Variants in KIAA0586 observed in about 807,000 individuals in gnomAD.
The protein encoded by KIAA0586 is KIAA0586, also known as protein TALPID3.
A neutral mutation model predicts 169.8 loss-of-function variants in KIAA0586; 144 were observed. That is an observed-to-expected ratio of 0.85 (90% CI 0.74 to 0.97). KIAA0586 has a LOEUF of 0.97. Among genes scored for constraint, KIAA0586 ranks in the 50% least tolerant of loss-of-function variants. The pLI is 0.00. For synonymous variants in KIAA0586, 625 were observed against 612.4 expected (o/e 1.02, Z -0.30); for missense variants, 1,854 against 1,823.0 (o/e 1.02, Z -0.31).
intron 24 of KIAA0586, among the ~76,000 whole-genome samples, 173 bp from the exon 25 acceptor site, chr14:58,489,991 A>G (rs2042731051): frequency 6.6e-6 from 1 of 152,194 alleles, no homozygotes; most frequent in Non-Finnish European, 1.5e-5. Flanking sequence ...TATAAATTGT[A>G]CTTCAAAAAA....
rs766981800 is a variant in KIAA0586, at chr14:58,487,976, A to G, written c.3394A>G (p.Thr1132Ala). ...PPPAAAVFTP[T>A]LSDISIDKLK... ...TCCAGCGGCGGCAGTTTTTACCCCA[A>G]CTTTGTCAGATATTTCCATTGATAA... Residue 1132 changes from threonine to alanine, a missense_variant, in exon 23 of 31, where the codon ACT (threonine) becomes GCT (alanine). Coordinates refer to ENST00000652326, the MANE Select transcript of KIAA0586 (RefSeq NM_001329943.3). 7 of 1,613,360 alleles carry G rather than the reference A, an allele frequency of 4.3e-6. No individual in the cohort carries two copies. The East Asian group carries it at 1.1e-4, about 26-fold the overall frequency.
chr14:58,464,582 G>A (rs1743717), intron 14 of KIAA0586, among the ~76,000 whole-genome samples: 150,103 of 152,296 alleles, frequency 0.99, 74,007 homozygotes, highest in East Asian at 1. Flanking sequence ...GAGACATAAA[G>A]TCAAATTTTT....
chr14:58,560,177 G>T, the KIAA0586 span, among the ~76,000 whole-genome samples: 1 of 151,086 alleles, frequency 6.6e-6, no homozygotes, highest in South Asian at 2.1e-4. Flanking sequence ...AAGATGCACA[G>T]GCCCCACTCC....
chr14:58,468,525 T>C (rs934510733), intron 16 of KIAA0586, among the ~76,000 whole-genome samples: 7 of 152,230 alleles, frequency 4.6e-5, no homozygotes, highest in African/African-American at 1.2e-4. Context: ...ATGTGACTTA[T>C]ATAATTAATA....
intron 4 of KIAA0586, chr14:58,441,031 G>A (rs1009564412): frequency 2.7e-5 from 5 of 185,948 alleles, no homozygotes; most frequent in Non-Finnish European, 5.8e-5. Context: ...GTGAAGTGAT[G>A]GGTATGCTAA....
chr14:58,529,498 C>G (rs1309786998), intron 29 of KIAA0586, among the ~76,000 whole-genome samples: 1 of 152,148 alleles, frequency 6.6e-6, no homozygotes, highest in East Asian at 1.9e-4. Context: ...CATGAAAAAG[C>G]TTATCTACCT....
At chr14:58,533,514 C>T (rs555897903) in intron 29 of KIAA0586, among the ~76,000 whole-genome samples, 1 of 152,268 alleles carries the variant, frequency 6.6e-6, no homozygotes, top group Admixed American at 6.5e-5. Context: ...TGTGAATTCT[C>T]TGGGGCAGGG....
At chr14:58,466,767 A>C (rs2040806340) in intron 15 of KIAA0586, among the ~76,000 whole-genome samples, 1 of 152,202 alleles carries the variant, frequency 6.6e-6, no homozygotes, top group Non-Finnish European at 1.5e-5. Context: ...GGACATTCAT[A>C]ATAATTCAAT....
Position 58,508,727 on chromosome 14 carries a change from C to G in KIAA0586, c.4323+18C>G. 1 of 1,555,622 alleles carries G rather than the reference C, an allele frequency of 6.4e-7. No individual in the cohort carries two copies. The highest frequency in any genetic ancestry group is 8.7e-7 in the Non-Finnish European group (1 of 1,144,388). On this transcript the variant is annotated intron_variant, in intron 28 of 30. Transcript: ENST00000652326. The stretch of plus-strand genomic sequence containing the variant: ...TTTCCCAGGTACCAAATTAATAGCA[C>G]TTGTATTTTACTTAAAATGAGAATT...
chr14:58,534,321 G>A (rs930661207), intron 29 of KIAA0586, among the ~76,000 whole-genome samples: 1 of 152,092 alleles, frequency 6.6e-6, no homozygotes, highest in East Asian at 1.9e-4. Flanking sequence ...TATAATATAG[G>A]TGTATTAGAA....
Position 58,484,924 on chromosome 14 carries a change from A to ATTTTTTT in KIAA0586, c.3145-2062_3145-2056dup, listed in dbSNP as rs58851367. Among the ~76,000 whole-genome samples, 4 of 13,052 alleles carry ATTTTTTT rather than the reference A, an allele frequency of 3.1e-4. 1 individual carries two copies. Among genetic ancestry groups the ATTTTTTT allele is most frequent in the South Asian group, 3.4e-3 (1 of 292 alleles). 8.6% of individuals were successfully genotyped at this position (13,052 alleles called of 152,430 possible). ...TATATATATATATATATATATATAT[A>ATTTTTTT]TTTTTTTTTTTTTTTTTTTTTTTTT... On this transcript the variant is annotated intron_variant, in intron 21 of 30. Transcript: ENST00000652326.
chr14:58,520,606 C>G (rs2045140683), intron 29 of KIAA0586, among the ~76,000 whole-genome samples: 1 of 152,126 alleles, frequency 6.6e-6, no homozygotes. Context: ...ACTGCAGCCT[C>G]TGACCTCCCG....
intron 4 of KIAA0586, among the ~76,000 whole-genome samples, chr14:58,436,583 G>A (rs1167458346): frequency 6.6e-6 from 1 of 152,056 alleles, no homozygotes; most frequent in Non-Finnish European, 1.5e-5. Flanking sequence ...AGTGGTAGAT[G>A]TAAATTGGAA....
At chr14:58,531,162 CAA>C (rs749963379) in intron 29 of KIAA0586, among the ~76,000 whole-genome samples, 17 of 104,076 alleles carry the variant, frequency 1.6e-4, no homozygotes, top group African/African-American at 1.1e-4. Flanking sequence ...CTAAAATGTA[CAA>C]AAAAAAAAAA....
At chr14:58,491,556 C>T (rs1448317252) in intron 25 of KIAA0586, among the ~76,000 whole-genome samples, 1 of 152,174 alleles carries the variant, frequency 6.6e-6, no homozygotes, top group East Asian at 1.9e-4. Flanking sequence ...CACACTGTTC[C>T]TCATTGTTGG....
At chr14:58,544,974 A>C (rs1214498129) in intron 30 of KIAA0586, among the ~76,000 whole-genome samples, 1 of 152,208 alleles carries the variant, frequency 6.6e-6, no homozygotes, top group Non-Finnish European at 1.5e-5. Flanking sequence ...GTCCCAACTC[A>C]ATGGCTACCT....
intron 14 of KIAA0586, 64 bp from the exon 15 acceptor site, chr14:58,465,771 A>G: frequency 2.0e-6 from 2 of 998,354 alleles, no homozygotes; most frequent in Non-Finnish European, 2.9e-6. Flanking sequence ...TTGTATTTCT[A>G]GATGTCTGGA....
At chr14:58,528,094 A>G (rs141791486) in intron 29 of KIAA0586, among the ~76,000 whole-genome samples, 370 of 152,350 alleles carry the variant, frequency 2.4e-3, no homozygotes, top group African/African-American at 8.5e-3. Flanking sequence ...ACAAAGATAA[A>G]AAAAGACAAA....
Position 58,470,605 on chromosome 14 carries a change from T to C in KIAA0586, c.2443-8T>C. On this transcript the variant is annotated splice_region_variant and splice_polypyrimidine_tract_variant and intron_variant, in intron 16 of 30. Transcript: ENST00000652326. Reference sequence around the variant, plus strand: ...AAACAGAAAGCTGAATGTTGTATTCTGTTTTAGGTATTACCCAGTGTAGAT... The same window carrying C: ...AAACAGAAAGCTGAATGTTGTATTCCGTTTTAGGTATTACCCAGTGTAGAT... 1 of 1,489,040 alleles carries C rather than the reference T, an allele frequency of 6.7e-7. No individual in the cohort carries two copies. The highest frequency in any genetic ancestry group is 9.4e-7 in the Non-Finnish European group (1 of 1,068,946). The allele number at this position is 1,489,040 out of a possible 1,614,324, so 92.2% of individuals were successfully genotyped here. A position where few individuals can be genotyped will look rare whatever the true frequency, so the allele number is the denominator to read the frequency against.
Sources: allele counts gnomAD v4.1 joint callset (sites outside exome capture counted in the v4.1 genomes callset), GRCh38; gene constraint gnomAD v4.1.1; transcripts MANE v1.5; gene names NCBI Gene and HGNC (gene_info 2026-07-23, HGNC 2026-07-21).